TMEM135: variants seen among roughly 807,000 people sequenced by gnomAD.
TMEM135 encodes transmembrane protein 135, also known as peroxisomal membrane protein 52.
A neutral mutation model predicts 60.3 loss-of-function variants in TMEM135; 30 were observed. The observed-to-expected ratio is 0.50, with a 90% CI of 0.37 to 0.68. The LOEUF (loss-of-function observed/expected upper bound fraction) is 0.68. Ranked by LOEUF, TMEM135 falls within the 30% of genes least tolerant of loss-of-function variation. TMEM135 has a pLI of 0.00. For missense variants in TMEM135, 468 were observed against 548.8 expected (o/e 0.85, Z 1.47); for synonymous variants, 190 against 186.7 (o/e 1.02, Z -0.14).
intron 5 of TMEM135, among the ~76,000 whole-genome samples, chr11:87,159,332 A>G (rs190914650): frequency 4.6e-5 from 7 of 152,282 alleles, no homozygotes; most frequent in African/African-American, 1.2e-4. Flanking sequence ...ACCATCTGCT[A>G]TTCTTCACAT....
intron 5 of TMEM135, among the ~76,000 whole-genome samples, chr11:87,207,764 C>A (rs1245179211): frequency 6.6e-6 from 1 of 152,192 alleles, no homozygotes; most frequent in Non-Finnish European, 1.5e-5. Context: ...GCACCTCATA[C>A]CTGTGGTGTC....
At chr11:87,244,843 T>G (rs1941224664) in intron 6 of TMEM135, among the ~76,000 whole-genome samples, 2 of 150,220 alleles carry the variant, frequency 1.3e-5, no homozygotes, top group African/African-American at 4.9e-5. Context: ...TTTGTGTCTC[T>G]GTTTCCTTCA....
chr11:87,323,925 C>G lies in TMEM135; in HGVS notation c.*2592C>G, dbSNP rs1310477722. ...TCTTGAACTATAAGCATAGTCATCA[C>G]TCAGTTGATATCTAGTTTATTTTTT... On this transcript the variant is annotated 3_prime_UTR_variant, in exon 15 of 15. Coordinates refer to ENST00000305494, the MANE Select transcript of TMEM135 (RefSeq NM_022918.4). The G allele has an allele frequency of 4.4e-6, 2 of 453,622 alleles. No homozygotes were observed. The highest frequency in any genetic ancestry group is 8.8e-6 in the Non-Finnish European group (2 of 226,758). 28.1% of individuals were successfully genotyped at this position (453,622 alleles called of 1,614,324 possible).
In TMEM135 at chr11:87,085,183, C is replaced by T. The variant is rs1048595823; in HGVS notation, c.363-6179C>T. 1.2e-4 allele frequency among the ~76,000 whole-genome samples: 18 copies of T among 152,236 alleles called. No individual in the cohort carries two copies. The East Asian group carries it at 2.7e-3, about 23-fold the overall frequency. On this transcript the variant is annotated intron_variant, in intron 3 of 14. Coordinates refer to ENST00000305494, the MANE Select transcript of TMEM135 (RefSeq NM_022918.4). Reference sequence around the variant, plus strand: ...ATTGGAACAGAGGATGAAGATGTTGCGTGAAAGAAATCCTGTCAAAGAGTG... The same window carrying T: ...ATTGGAACAGAGGATGAAGATGTTGTGTGAAAGAAATCCTGTCAAAGAGTG...
chr11:87,248,266 G>A (rs573448756), intron 6 of TMEM135, among the ~76,000 whole-genome samples: 2 of 152,154 alleles, frequency 1.3e-5, no homozygotes, highest in African/African-American at 2.4e-5. Context: ...AGTTCTTTGA[G>A]AAACCTCTAA....
chr11:87,219,003 A>C (rs1232974453), intron 5 of TMEM135, among the ~76,000 whole-genome samples: 2 of 152,180 alleles, frequency 1.3e-5, no homozygotes, highest in Non-Finnish European at 2.9e-5. Flanking sequence ...CATTCACATA[A>C]AACATATATG....
intron 3 of TMEM135, among the ~76,000 whole-genome samples, chr11:87,080,723 G>A (rs142810378): frequency 9.5e-4 from 145 of 152,222 alleles, no homozygotes; most frequent in African/African-American, 3.2e-3. Flanking sequence ...GTCACACTCT[G>A]TTGCTCCTGC....
chr11:87,101,797 A>G (rs1857462850), intron 4 of TMEM135, among the ~76,000 whole-genome samples: 1 of 152,186 alleles, frequency 6.6e-6, no homozygotes. Context: ...CAACATGGAT[A>G]AACCCGTCTC....
intron 5 of TMEM135, among the ~76,000 whole-genome samples, chr11:87,202,762 G>T (rs1011540837): frequency 6.7e-6 from 1 of 149,788 alleles, no homozygotes. Context: ...ACCGGGCACG[G>T]TGGCTCAAGC....
intron 5 of TMEM135, among the ~76,000 whole-genome samples, chr11:87,178,770 C>T (rs4944675): frequency 0.17 from 25,113 of 151,306 alleles, 2,429 homozygotes; most frequent in African/African-American, 0.27. Context: ...CTTTTTTTTT[C>T]CCTTTTCATG....
intron 10 of TMEM135, among the ~76,000 whole-genome samples, chr11:87,311,046 AT>A (rs564593762): frequency 0.035 from 5,258 of 151,508 alleles, 91 homozygotes; most frequent in Admixed American, 0.046. Flanking sequence ...GACTGTTTTA[AT>A]GTATATTTTA....
intron 6 of TMEM135, among the ~76,000 whole-genome samples, chr11:87,274,828 G>GTGTGTGTGTGTT (rs1316967853): frequency 2.3e-5 from 3 of 132,464 alleles, no homozygotes; most frequent in African/African-American, 8.0e-5. Context: ...GTGTGTGTGT[G>GTGTGTGTGTGTT]TTTATATATT....
chr11:87,294,440 A>G (rs1346464599), intron 6 of TMEM135, among the ~76,000 whole-genome samples: 1 of 152,130 alleles, frequency 6.6e-6, no homozygotes, highest in Non-Finnish European at 1.5e-5. Context: ...CTGGAGAGCA[A>G]TGGCGCAATC....
intron 7 of TMEM135, among the ~76,000 whole-genome samples, chr11:87,300,315 A>G (rs1306057577): frequency 6.6e-6 from 1 of 152,236 alleles, no homozygotes. Flanking sequence ...AGAAGTCAAA[A>G]GAATAGTGTC....
Position 87,322,435 on chromosome 11 carries a change from G to T in TMEM135, c.*1102G>T, listed in dbSNP as rs1306768128. On this transcript the variant is annotated 3_prime_UTR_variant, in exon 15 of 15. Transcript: ENST00000305494. ...CCATTTTTACTGTTAGAATAAAGAG[G>T]TGACACCATAAAGTCCTGCTGATAA... is the stretch of plus-strand genomic sequence containing the variant. The T allele has an allele frequency of 2.2e-6, 1 of 453,902 alleles. No individual in the cohort carries two copies. Among genetic ancestry groups the T allele is most frequent in the East Asian group, 7.0e-5 (1 of 14,376 alleles). The allele number at this position is 453,902 out of a possible 1,614,324, so 28.1% of individuals were successfully genotyped here. A position where few individuals can be genotyped will look rare whatever the true frequency, so the allele number is the denominator to read the frequency against.
chr11:87,306,831 A>G (rs1273389675), intron 9 of TMEM135, among the ~76,000 whole-genome samples: 1 of 151,820 alleles, frequency 6.6e-6, no homozygotes, highest in East Asian at 1.9e-4. Flanking sequence ...CACTTCTCCC[A>G]TCTCATCCTC....
chr11:87,064,072 T>C (rs1467773591), intron 1 of TMEM135, among the ~76,000 whole-genome samples: 6 of 152,178 alleles, frequency 3.9e-5, no homozygotes, highest in Non-Finnish European at 5.9e-5. Context: ...CAATTTTATA[T>C]TGTCATGAGC....
intron 4 of TMEM135, among the ~76,000 whole-genome samples, chr11:87,099,290 G>T (rs565164123): frequency 6.6e-6 from 1 of 151,788 alleles, no homozygotes; most frequent in East Asian, 1.9e-4. Flanking sequence ...ATGTTGGAGA[G>T]CACACTTAAA....
intron 4 of TMEM135, among the ~76,000 whole-genome samples, chr11:87,131,794 G>C (rs1393238243): frequency 6.6e-6 from 1 of 152,084 alleles, no homozygotes; most frequent in Non-Finnish European, 1.5e-5. Context: ...TTAGGAACTG[G>C]GCCATACAAC....
Sources: gnomAD v4.1 joint callset for allele counts (sites outside exome capture counted in the v4.1 genomes callset) on GRCh38, gnomAD v4.1.1 for gene constraint, MANE v1.5 for transcripts, NCBI Gene and HGNC (gene_info 2026-07-23, HGNC 2026-07-21) for gene names.